SLC35D1: variants seen among roughly 807,000 people sequenced by gnomAD.
SLC35D1 encodes the protein nucleotide sugar transporter SLC35D1.
Under a neutral mutation model 46.7 loss-of-function variants are expected in SLC35D1, and 31 were observed. The ratio of observed to expected loss-of-function variants is 0.66; its 90% CI spans 0.50 to 0.90. The LOEUF (loss-of-function observed/expected upper bound fraction) is 0.90. Ranked by LOEUF, SLC35D1 falls within the 40% of genes least tolerant of loss-of-function variation. The pLI is 0.00. For synonymous variants in SLC35D1, 195 were observed against 164.6 expected, an observed-to-expected ratio of 1.18 and a Z score of -1.41; for missense variants, 397 against 426.2, an observed-to-expected ratio of 0.93 and a Z score of 0.60.
Position 67,051,541 on chromosome 1 carries a change from A to G in SLC35D1, c.392+471T>C, listed in dbSNP as rs548793031. Among the ~76,000 whole-genome samples the G allele has an allele frequency of 2.0e-5, 3 of 152,334 alleles. No homozygotes were observed. The South Asian group carries it at 6.2e-4, about 32-fold the overall frequency. On this transcript the variant is annotated intron_variant, in intron 4 of 11. Coordinates refer to ENST00000235345, the MANE Select transcript of SLC35D1 (RefSeq NM_015139.3). ...ACATGCCATGTGTAAGATATTAATA[A>G]TATTTTTATCAGGGTTCTAGCTGAT...
intron 10 of SLC35D1, among the ~76,000 whole-genome samples, chr1:67,009,415 C>G (rs1190188177): frequency 6.6e-6 from 1 of 152,152 alleles, no homozygotes; most frequent in Non-Finnish European, 1.5e-5. Context: ...ATACTACCAA[C>G]AGAATGGGAG....
intron 10 of SLC35D1, among the ~76,000 whole-genome samples, chr1:67,013,157 G>GATAGATATATATATATATATATATAT (rs1553264879): frequency 3.4e-5 from 1 of 29,834 alleles, no homozygotes; most frequent in Non-Finnish European, 5.7e-5. Context: ...ATATCCTGGA[G>GATAGATATATATATATATATATATAT]ATATATATAT....
chr1:67,047,938 G>A (rs1396439385), intron 6 of SLC35D1, among the ~76,000 whole-genome samples: 2 of 152,070 alleles, frequency 1.3e-5, no homozygotes, highest in Admixed American at 6.5e-5. Flanking sequence ...TAACTTGGGG[G>A]TTTAGGGAAA....
intron 7 of SLC35D1, 35 bp downstream of exon 7, chr1:67,047,230 G>A (rs780364973): frequency 6.6e-7 from 1 of 1,522,306 alleles, no homozygotes; most frequent in Non-Finnish European, 9.1e-7. Flanking sequence ...GCCAACATCA[G>A]TACACAACTG....
the SLC35D1 span, among the ~76,000 whole-genome samples, chr1:66,983,189 A>G: frequency 2.5e-4 from 38 of 152,170 alleles, no homozygotes; most frequent in Admixed American, 1.9e-3. Context: ...TTTCATCCCA[A>G]TGTTATATTA....
the SLC35D1 span, among the ~76,000 whole-genome samples, chr1:66,973,392 T>C: frequency 3.9e-5 from 6 of 152,132 alleles, no homozygotes; most frequent in African/African-American, 1.4e-4. Flanking sequence ...TTTATTACAT[T>C]TGCTTAAGTC....
At chr1:66,974,381 A>T in the SLC35D1 span, among the ~76,000 whole-genome samples, 1 of 152,068 alleles carries the variant, frequency 6.6e-6, no homozygotes, top group Non-Finnish European at 1.5e-5. Context: ...AAAAGAAAAA[A>T]GTTCGTTGTT....
chr1:66,986,140 A>T, the SLC35D1 span: 2 of 1,153,426 alleles, frequency 1.7e-6, no homozygotes, highest in Non-Finnish European at 2.1e-6. Flanking sequence ...AGAGAAAGTG[A>T]AGTTTGAAAA....
At chr1:67,050,025 T>C (rs1558167860) in intron 5 of SLC35D1, among the ~76,000 whole-genome samples, 175 bp from the exon 6 acceptor site, 4 of 152,248 alleles carry the variant, frequency 2.6e-5, no homozygotes, top group Admixed American at 1.3e-4. Context: ...TTTATTGTTA[T>C]ATAAGTTATT....
chr1:67,028,856 T>C (rs1667965458), intron 8 of SLC35D1, among the ~76,000 whole-genome samples: 1 of 152,162 alleles, frequency 6.6e-6, no homozygotes, highest in Non-Finnish European at 1.5e-5. Flanking sequence ...CCTTCCACTT[T>C]ATTTTTCAAT....
At chr1:66,975,525 CA>C in the SLC35D1 span, among the ~76,000 whole-genome samples, 17 of 134,840 alleles carry the variant, frequency 1.3e-4, no homozygotes, top group African/African-American at 1.1e-4. Flanking sequence ...GACACTATCT[CA>C]AAAAAAAAAG....
chr1:66,989,629 A>G, the SLC35D1 span, among the ~76,000 whole-genome samples: 11 of 152,122 alleles, frequency 7.2e-5, no homozygotes, highest in African/African-American at 2.7e-4. Flanking sequence ...ATGCTCAGCT[A>G]ATTTTTTTTA....
intron 10 of SLC35D1, among the ~76,000 whole-genome samples, chr1:67,009,525 A>T (rs999442437): frequency 6.6e-6 from 1 of 152,258 alleles, no homozygotes; most frequent in Non-Finnish European, 1.5e-5. Context: ...TGGGAAAAGG[A>T]CATGAACAGA....
At position 67,002,534 on chromosome 1, in the gene SLC35D1, C is replaced by A. The variant is rs1222362288; in HGVS notation, c.*1806G>T. 1 of 152,236 alleles carries A rather than the reference C, an allele frequency of 6.6e-6. No individual in the cohort carries two copies. Among genetic ancestry groups the A allele is most frequent in the Non-Finnish European group, 1.5e-5 (1 of 68,016 alleles). The allele number at this position is 152,236 out of a possible 1,614,324, so 9.4% of individuals were successfully genotyped here. ...AGACCCATATGACACAAGATACTAT[C>A]CTTTACTCCCAGTGGAATTTTCTCA... is the stretch of plus-strand genomic sequence containing the variant. On this transcript the variant is annotated 3_prime_UTR_variant, in exon 12 of 12. Transcript: ENST00000235345.
chr1:67,023,777 G>A (rs969547387), intron 8 of SLC35D1, among the ~76,000 whole-genome samples: 4 of 150,632 alleles, frequency 2.7e-5, no homozygotes, highest in African/African-American at 9.8e-5. Context: ...TACAAAAGAG[G>A]TGCCCGGCCT....
intron 5 of SLC35D1, 63 bp downstream of exon 5, chr1:67,050,370 C>CA: frequency 8.2e-7 from 1 of 1,219,722 alleles, no homozygotes. Context: ...TTTAATATCT[C>CA]ACATATGCTG....
rs751115144 is a variant in SLC35D1, at chr1:67,052,825, T to C, written c.270A>G (p.Gly90=). The C allele has an allele frequency of 2.5e-6, 4 of 1,614,062 alleles. No individual in the cohort carries two copies. The highest frequency in any genetic ancestry group is 1.3e-5 in the African/African-American group (1 of 74,910). The change falls in exon 3 of 12, where the codon GGA becomes GGG. Residue 90 remains glycine, a synonymous_variant. Coordinates refer to ENST00000235345, the MANE Select transcript of SLC35D1 (RefSeq NM_015139.3). ...MVATVAVLWV[G]KALRVVKFPD... is the part of the protein sequence containing the mutation. Reference sequence around the variant, plus strand: ...GAAACTTGACTACTCTGAGCGCCTTTCCCACCCAGAGAACTGCCACTGTGG... The same window carrying C: ...GAAACTTGACTACTCTGAGCGCCTTCCCCACCCAGAGAACTGCCACTGTGG...
the SLC35D1 span, among the ~76,000 whole-genome samples, chr1:66,983,665 C>T: frequency 6.6e-6 from 1 of 152,086 alleles, no homozygotes; most frequent in Admixed American, 6.5e-5. Flanking sequence ...TTGGATAGTG[C>T]GGCATTAGTT....
intron 10 of SLC35D1, among the ~76,000 whole-genome samples, chr1:67,017,801 G>C (rs1443927684): frequency 2.0e-5 from 3 of 152,082 alleles, no homozygotes; most frequent in Non-Finnish European, 1.5e-5. Context: ...TCTAAAATGG[G>C]ACACAAATGT....
Sources: gnomAD v4.1 joint callset for allele counts (sites outside exome capture counted in the v4.1 genomes callset) on GRCh38, gnomAD v4.1.1 for gene constraint, MANE v1.5 for transcripts, NCBI Gene and HGNC (gene_info 2026-07-23, HGNC 2026-07-21) for gene names.